GALNT17: variants seen among roughly 807,000 people sequenced by gnomAD.
GALNT17 encodes the protein polypeptide N-acetylgalactosaminyltransferase 17, also known as UDP-GalNAc:polypeptide N-acetylgalactosaminyltransferase-like 3.
A neutral mutation model predicts 63.7 loss-of-function variants in GALNT17; 29 were observed. That is an observed-to-expected ratio of 0.46 (90% CI 0.34 to 0.62). The LOEUF (loss-of-function observed/expected upper bound fraction) is 0.62, where lower values mean the gene tolerates loss of function less well. Ranked by LOEUF, GALNT17 falls within the 20% of genes least tolerant of loss-of-function variation. The probability of loss-of-function intolerance (pLI) is 0.01; values close to 1 mark genes in which losing one functional copy is unlikely to be tolerated. For missense variants in GALNT17, 603 were observed against 799.6 expected, an observed-to-expected ratio of 0.75 and a Z score of 2.97; for synonymous variants, 305 against 318.3, an observed-to-expected ratio of 0.96 and a Z score of 0.45.
intron 5 of GALNT17, among the ~76,000 whole-genome samples, chr7:71,423,087 T>C (rs1309306848): frequency 6.6e-6 from 1 of 152,186 alleles, no homozygotes; most frequent in Non-Finnish European, 1.5e-5. Context: ...GCCGCTTGTG[T>C]CTGTGCCCAC....
At chr7:71,236,330 C>T (rs1922519) in intron 1 of GALNT17, among the ~76,000 whole-genome samples, 44,624 of 152,042 alleles carry the variant, frequency 0.29, 8,143 homozygotes, top group South Asian at 0.61. Context: ...TAAAACTGAG[C>T]TCCAAAGACC....
chr7:71,679,733 G>C (rs1791209545), intron 9 of GALNT17, among the ~76,000 whole-genome samples: 1 of 151,980 alleles, frequency 6.6e-6, no homozygotes, highest in African/African-American at 2.4e-5. Context: ...CCTGCACCAA[G>C]ACTCCAGCCT....
chr7:71,154,726 G>A (rs1283505199), intron 1 of GALNT17, among the ~76,000 whole-genome samples: 5 of 151,928 alleles, frequency 3.3e-5, no homozygotes, highest in East Asian at 1.9e-4. Flanking sequence ...ACAGGCGCCC[G>A]CCACCATGCC....
At chr7:71,394,018 C>T (rs1793096908) in intron 3 of GALNT17, among the ~76,000 whole-genome samples, 1 of 152,132 alleles carries the variant, frequency 6.6e-6, no homozygotes, top group Non-Finnish European at 1.5e-5. Flanking sequence ...AGCTGTTCTT[C>T]TCTTCCTTGG....
chr7:71,215,040 G>A (rs1330525139), intron 1 of GALNT17, among the ~76,000 whole-genome samples: 2 of 152,208 alleles, frequency 1.3e-5, no homozygotes, highest in East Asian at 3.9e-4. Context: ...TGCATTTCTG[G>A]GATGTTCTTA....
chr7:71,675,614 C>T (rs1201148153), intron 8 of GALNT17, among the ~76,000 whole-genome samples: 1 of 151,702 alleles, frequency 6.6e-6, no homozygotes, highest in African/African-American at 2.4e-5. Flanking sequence ...CAGAGCAAGA[C>T]CCTGTCACTC....
At chr7:71,465,610 T>C (rs1787522612) in intron 5 of GALNT17, among the ~76,000 whole-genome samples, 1 of 152,168 alleles carries the variant, frequency 6.6e-6, no homozygotes, top group Non-Finnish European at 1.5e-5. Context: ...CCCAGCCCGA[T>C]CTCCTCCTAC....
intron 1 of GALNT17, among the ~76,000 whole-genome samples, chr7:71,292,221 C>T (rs1264110396): frequency 2.6e-5 from 4 of 152,102 alleles, no homozygotes; most frequent in Non-Finnish European, 5.9e-5. Context: ...GGCTGAGAAA[C>T]GAACTGGCTT....
At chr7:71,530,537 AATTT>A (rs59298142) in intron 5 of GALNT17, among the ~76,000 whole-genome samples, 31,731 of 139,876 alleles carry the variant, frequency 0.23, 3,952 homozygotes, top group Admixed American at 0.27. Flanking sequence ...GAGGTACAAG[AATTT>A]ATTTATTTAT....
intron 1 of GALNT17, among the ~76,000 whole-genome samples, chr7:71,210,352 G>A (rs112923017): frequency 1.7e-3 from 264 of 152,110 alleles, no homozygotes; most frequent in African/African-American, 5.9e-3. Context: ...GCCCAAGTTG[G>A]TTTTGGACTC....
At chr7:71,593,138 G>A (rs942164031) in intron 6 of GALNT17, among the ~76,000 whole-genome samples, 4 of 141,512 alleles carry the variant, frequency 2.8e-5, no homozygotes, top group African/African-American at 1.2e-4. Flanking sequence ...CAACAGACCA[G>A]GACCTTGTTG....
chr7:71,272,262 A>T (rs1035622774), intron 1 of GALNT17, among the ~76,000 whole-genome samples: 1 of 152,234 alleles, frequency 6.6e-6, no homozygotes, highest in African/African-American at 2.4e-5. Flanking sequence ...AGTTTGGGGG[A>T]ATCATGAATA....
At chr7:71,685,039 G>A (rs1228403411) in intron 9 of GALNT17, among the ~76,000 whole-genome samples, 2 of 151,954 alleles carry the variant, frequency 1.3e-5, no homozygotes, top group South Asian at 2.1e-4. Context: ...GCTGTCAAAC[G>A]AATGTCCCAT....
In GALNT17 at chr7:71,450,943, T is replaced by TAA. The variant is rs201170997; in HGVS notation, c.962+29839_962+29840insAA. ...TCTTTTTTTTATTCTTTTTTTTTTT[T>TAA]ATTATACTCTAAGTTCTAGGGTACA... On this transcript the variant is annotated intron_variant, in intron 5 of 10. Transcript: ENST00000333538. 4.1e-4 allele frequency among the ~76,000 whole-genome samples: 57 copies of TAA among 138,072 alleles called. 1 individual carries two copies. The highest frequency in any genetic ancestry group is 1.5e-3 in the African/African-American group (54 of 37,088). 90.6% of individuals were successfully genotyped at this position (138,072 alleles called of 152,430 possible). A position where few individuals can be genotyped will look rare whatever the true frequency, so the allele number is the denominator to read the frequency against.
intron 5 of GALNT17, among the ~76,000 whole-genome samples, chr7:71,517,469 TC>T (rs931078949): frequency 1.3e-5 from 2 of 152,174 alleles, no homozygotes; most frequent in African/African-American, 4.8e-5. Context: ...GGCCAGTGTT[TC>T]CCCTGCTGTT....
chr7:71,139,413 GT>G, intron 1 of GALNT17, among the ~76,000 whole-genome samples: 1 of 152,176 alleles, frequency 6.6e-6, no homozygotes, highest in Non-Finnish European at 1.5e-5. Context: ...ATTCAACTTA[GT>G]TACCAAATTT....
At chr7:71,265,788 G>C (rs1022949789) in intron 1 of GALNT17, among the ~76,000 whole-genome samples, 8 of 152,242 alleles carry the variant, frequency 5.3e-5, no homozygotes, top group African/African-American at 1.9e-4. Context: ...GGTGCCACTT[G>C]TGTCTACTGG....
At chr7:71,254,710 C>T (rs749114039) in intron 1 of GALNT17, among the ~76,000 whole-genome samples, 2 of 151,984 alleles carry the variant, frequency 1.3e-5, no homozygotes, top group Non-Finnish European at 2.9e-5. Context: ...AGTTGGGGGG[C>T]TTAGATTTGA....
chr7:71,175,134 A>G (rs1429687332), intron 1 of GALNT17, among the ~76,000 whole-genome samples: 1 of 143,984 alleles, frequency 6.9e-6, no homozygotes, highest in Non-Finnish European at 1.5e-5. Context: ...CCATCAGTCT[A>G]TCTGTCCATC....
Sources: allele counts gnomAD v4.1 joint callset (sites outside exome capture counted in the v4.1 genomes callset), GRCh38; gene constraint gnomAD v4.1.1; transcripts MANE v1.5; gene names NCBI Gene and HGNC (gene_info 2026-07-23, HGNC 2026-07-21).